LYN: variants seen among roughly 807,000 people sequenced by gnomAD.
The protein encoded by LYN is LYN proto-oncogene, Src family tyrosine kinase, also known as tyrosine-protein kinase Lyn.
LYN carries 12 observed loss-of-function variants against 65.0 expected under a neutral mutation model. That is an observed-to-expected ratio of 0.18 (90% confidence interval 0.12 to 0.30). The LOEUF is 0.30. Among genes scored for constraint, LYN ranks in the 10% least tolerant of loss-of-function variants. LYN has a pLI of 1.00. For missense variants in LYN, 380 were observed against 623.2 expected (o/e 0.61, Z 4.16); for synonymous variants, 222 against 221.2 (o/e 1.00, Z -0.03).
chr8:55,992,172 C>T (rs868546840), intron 10 of LYN, among the ~76,000 whole-genome samples: 1 of 152,174 alleles, frequency 6.6e-6, no homozygotes, highest in Non-Finnish European at 1.5e-5. Context: ...ACCCCTGGGC[C>T]TGACATTATA....
At chr8:55,980,872 T>A (rs888522200) in intron 10 of LYN, among the ~76,000 whole-genome samples, 1 of 152,230 alleles carries the variant, frequency 6.6e-6, no homozygotes, top group Non-Finnish European at 1.5e-5. Context: ...ATCACCAACA[T>A]CCACCTGCAG....
chr8:55,936,298 T>C (rs944794955), intron 1 of LYN, among the ~76,000 whole-genome samples: 3 of 152,228 alleles, frequency 2.0e-5, no homozygotes, highest in African/African-American at 7.2e-5. Context: ...CTCATGGATC[T>C]GGAGCTTCCT....
At chr8:55,998,560 T>C in intron 11 of LYN, 61 bp downstream of exon 11, 5 of 1,521,926 alleles carry the variant, frequency 3.3e-6, no homozygotes, top group Non-Finnish European at 4.5e-6. Flanking sequence ...TTTTTGTCTG[T>C]TTTTGACAAA....
At chr8:55,985,720 A>G (rs1014971259) in intron 10 of LYN, among the ~76,000 whole-genome samples, 29 of 152,184 alleles carry the variant, frequency 1.9e-4, no homozygotes, top group African/African-American at 7.0e-4. Context: ...GTCTTCCCCC[A>G]TCAAAGAGTA....
intron 1 of LYN, among the ~76,000 whole-genome samples, chr8:55,890,155 A>G (rs1804916988): frequency 6.6e-6 from 1 of 151,334 alleles, no homozygotes; most frequent in Non-Finnish European, 1.5e-5. Context: ...ATAAAAACAA[A>G]TAAAAATTAC....
chr8:55,904,006 C>CAA (rs5891599), intron 1 of LYN, among the ~76,000 whole-genome samples: 18,443 of 150,778 alleles, frequency 0.12, 1,499 homozygotes, highest in Middle Eastern at 0.28. Context: ...GACAGAGTCT[C>CAA]AAAAAAAAAG....
At chr8:55,909,192 G>T (rs1256716319) in intron 1 of LYN, among the ~76,000 whole-genome samples, 1 of 152,012 alleles carries the variant, frequency 6.6e-6, no homozygotes, top group Admixed American at 6.6e-5. Flanking sequence ...CTAGGACCCA[G>T]AATCCAGGTT....
chr8:55,950,904 A>G (rs113217710), intron 6 of LYN, 120 bp downstream of exon 6: 11 of 691,120 alleles, frequency 1.6e-5, no homozygotes, highest in African/African-American at 7.2e-5. Flanking sequence ...TAAAAGTTTT[A>G]TGGTTTGATA....
chr8:55,887,509 T>C (rs1804830088), intron 1 of LYN, among the ~76,000 whole-genome samples: 1 of 150,020 alleles, frequency 6.7e-6, no homozygotes, highest in Non-Finnish European at 1.5e-5. Context: ...TAAATATATA[T>C]ATAAATCCCA....
rs542449819 is a variant in LYN, at chr8:55,882,086, C to A, written c.-6+1983C>A. On this transcript the variant is annotated intron_variant, in intron 1 of 12. Coordinates refer to ENST00000519728, the MANE Select transcript of LYN (RefSeq NM_002350.4). Reference sequence around the variant, plus strand: ...GTAAAGTTACCCAGCACTGAGTTACCCACATTTAGTGTGGGTAACTAAATG... The same window carrying A: ...GTAAAGTTACCCAGCACTGAGTTACACACATTTAGTGTGGGTAACTAAATG... Among the ~76,000 whole-genome samples the A allele has an allele frequency of 2.0e-5, 3 of 152,138 alleles. No homozygotes were observed. The South Asian group carries it at 6.2e-4, about 32-fold the overall frequency.
rs1033420883 is a variant in LYN, at chr8:55,998,206, C to T, written c.1051-140C>T. 6 of 566,186 alleles carry T rather than the reference C, an allele frequency of 1.1e-5. No individual in the cohort carries two copies. In the East Asian group the frequency reaches 1.1e-4, roughly 11 times the overall value. 35.1% of individuals were successfully genotyped at this position (566,186 alleles called of 1,614,324 possible). On this transcript the variant is annotated intron_variant, in intron 10 of 12. Coordinates refer to ENST00000519728, the MANE Select transcript of LYN (RefSeq NM_002350.4). ...GGGCTCAAATGGTGATTGCCATTAC[C>T]CACTGTCTTTAAAAGCTGAATGATC...
intron 12 of LYN, among the ~76,000 whole-genome samples, chr8:56,001,178 G>A (rs927674667): frequency 6.6e-6 from 1 of 152,160 alleles, no homozygotes; most frequent in East Asian, 1.9e-4. Context: ...CAGAGCATGG[G>A]CTTGGCCAAC....
At chr8:55,931,548 A>G (rs1806271094) in intron 1 of LYN, among the ~76,000 whole-genome samples, 1 of 152,004 alleles carries the variant, frequency 6.6e-6, no homozygotes, top group Non-Finnish European at 1.5e-5. Context: ...GTAGATGAAC[A>G]TTGCGGTAGT....
intron 8 of LYN, among the ~76,000 whole-genome samples, chr8:55,963,464 T>C (rs1807346529): frequency 6.6e-6 from 1 of 152,286 alleles, no homozygotes; most frequent in South Asian, 2.1e-4. Context: ...CATGGACACC[T>C]TGGATGTTGT....
At chr8:56,009,600 A>G (rs1338646993) in intron 12 of LYN, among the ~76,000 whole-genome samples, 1 of 152,088 alleles carries the variant, frequency 6.6e-6, no homozygotes, top group African/African-American at 2.4e-5. Context: ...CTGTGTTCTA[A>G]TCTCCTCTTA....
chr8:55,994,517 ACAAGTCC>A (rs1808325557), intron 10 of LYN, among the ~76,000 whole-genome samples: 1 of 152,160 alleles, frequency 6.6e-6, no homozygotes, highest in African/African-American at 2.4e-5. Context: ...TGCCTTACTA[ACAAGTCC>A]CTGGAGTGCT....
At chr8:55,969,237 C>T (rs1215265651) in intron 9 of LYN, among the ~76,000 whole-genome samples, 2 of 152,216 alleles carry the variant, frequency 1.3e-5, no homozygotes, top group Non-Finnish European at 2.9e-5. Context: ...CATGCCACTG[C>T]GCTCCAGCCT....
intron 8 of LYN, among the ~76,000 whole-genome samples, chr8:55,961,907 G>C (rs1807290091): frequency 6.8e-6 from 1 of 146,996 alleles, no homozygotes; most frequent in Non-Finnish European, 1.5e-5. Flanking sequence ...GTCCCCCAGA[G>C]ACAACAGCTA....
At chr8:55,983,157 AACCCCG>A (rs1237471883) in intron 10 of LYN, among the ~76,000 whole-genome samples, 6 of 152,062 alleles carry the variant, frequency 3.9e-5, no homozygotes, top group Non-Finnish European at 8.8e-5. Flanking sequence ...GAGCCTCATG[AACCCCG>A]ACATGTGCCC....
Sources: allele counts gnomAD v4.1 joint callset (sites outside exome capture counted in the v4.1 genomes callset), GRCh38; gene constraint gnomAD v4.1.1; transcripts MANE v1.5; gene names NCBI Gene and HGNC (gene_info 2026-07-23, HGNC 2026-07-21).